The following ATAD2B variants were observed in gnomAD, a reference collection of about 807,000 sequenced individuals.
ATAD2B encodes ATPase family AAA domain containing 2B, also known as ATPase family AAA domain-containing protein 2B.
Under a neutral mutation model 167.6 loss-of-function variants are expected in ATAD2B, and 40 were observed. The ratio of observed to expected loss-of-function variants is 0.24; its 90% CI spans 0.19 to 0.31. The LOEUF is 0.31. Among genes scored for constraint, ATAD2B ranks in the 10% least tolerant of loss-of-function variants. The probability of loss-of-function intolerance (pLI) is 1.00; values close to 1 mark genes in which losing one functional copy is unlikely to be tolerated. For missense variants in ATAD2B, 1,242 were observed against 1,757.2 expected, an observed-to-expected ratio of 0.71 and a Z score of 5.24; for synonymous variants, 579 against 596.5, an observed-to-expected ratio of 0.97 and a Z score of 0.43.
chr2:23,790,923 A>G (rs1244379636), intron 19 of ATAD2B, among the ~76,000 whole-genome samples: 2 of 152,118 alleles, frequency 1.3e-5, no homozygotes. Flanking sequence ...CATTTCCATT[A>G]CCCCAAAAAG....
At chr2:23,788,132 C>T in intron 20 of ATAD2B, 1 of 179,532 alleles carries the variant, frequency 5.6e-6, no homozygotes, top group Non-Finnish European at 1.2e-5. Flanking sequence ...TCAAATCTAT[C>T]ATGGCCCAAA....
the ATAD2B span, among the ~76,000 whole-genome samples, chr2:23,681,977 G>T: frequency 9.9e-5 from 15 of 152,066 alleles, no homozygotes; most frequent in Non-Finnish European, 1.8e-4. This position sits in a 1 kb window ranked among gnomAD's most constrained non-coding sequence, Gnocchi z 4.2. Context: ...TCTAGCCCAG[G>T]CCTCTATCCA....
At chr2:23,695,944 C>A in the ATAD2B span, 4 of 1,550,762 alleles carry the variant, frequency 2.6e-6, no homozygotes, top group Non-Finnish European at 3.5e-6. This position sits in a 1 kb window ranked among gnomAD's most constrained non-coding sequence, Gnocchi z 7.6. Context: ...CATCCATGTC[C>A]CTGCAGGTGT....
At chr2:23,734,624 G>A in the ATAD2B span, among the ~76,000 whole-genome samples, 1 of 152,186 alleles carries the variant, frequency 6.6e-6, no homozygotes, top group African/African-American at 2.4e-5. Context: ...AGAGAGATAA[G>A]TGGGAGGTGC....
At chr2:23,828,128 G>A (rs1688519377) in intron 15 of ATAD2B, among the ~76,000 whole-genome samples, 1 of 151,744 alleles carries the variant, frequency 6.6e-6, no homozygotes, top group Non-Finnish European at 1.5e-5. Context: ...GACAAAAGAG[G>A]GGGAAAGAAT....
At chr2:23,905,991 G>T (rs1573375745) in intron 1 of ATAD2B, among the ~76,000 whole-genome samples, 1 of 152,218 alleles carries the variant, frequency 6.6e-6, no homozygotes, top group East Asian at 1.9e-4. Flanking sequence ...GAAAACCTAT[G>T]AAAATTTAAA....
chr2:23,778,491 T>C (rs747836517), intron 22 of ATAD2B, among the ~76,000 whole-genome samples: 9 of 152,160 alleles, frequency 5.9e-5, no homozygotes, highest in Non-Finnish European at 1.0e-4. Context: ...GCACAAAGTA[T>C]AAAGGGTCAT....
intron 1 of ATAD2B, among the ~76,000 whole-genome samples, chr2:23,921,974 C>T (rs182142741): frequency 1.6e-4 from 25 of 152,006 alleles, no homozygotes; most frequent in Admixed American, 6.6e-4. Context: ...TGTTGGCAAA[C>T]GCATGAGTGT....
the ATAD2B span, chr2:23,706,793 TG>T: frequency 1.4e-5 from 9 of 624,826 alleles, no homozygotes; most frequent in East Asian, 2.4e-4. Flanking sequence ...GCGCTCAACA[TG>T]TTGAATATTC....
chr2:23,885,665 C>T (rs759319133), intron 5 of ATAD2B, 62 bp downstream of exon 5: 82 of 976,530 alleles, frequency 8.4e-5, no homozygotes, highest in Non-Finnish European at 1.2e-4. Flanking sequence ...TGCATTCTCC[C>T]TTTAAATTCC....
intron 13 of ATAD2B, among the ~76,000 whole-genome samples, chr2:23,855,420 T>G (rs1004083901): frequency 1.3e-5 from 2 of 152,210 alleles, no homozygotes; most frequent in Non-Finnish European, 2.9e-5. Flanking sequence ...CTAGGATGGC[T>G]AAAGTTAAAG....
chr2:23,828,469 G>C (rs1240940504), intron 15 of ATAD2B, among the ~76,000 whole-genome samples: 2 of 152,200 alleles, frequency 1.3e-5, no homozygotes, highest in East Asian at 1.9e-4. Context: ...AATCTGCAAA[G>C]TAAAAGTAAA....
intron 8 of ATAD2B, among the ~76,000 whole-genome samples, chr2:23,871,865 A>C (rs1696026781): frequency 6.6e-6 from 1 of 151,954 alleles, no homozygotes; most frequent in African/African-American, 2.4e-5. Context: ...GGAAGAAGGA[A>C]TTGTTTTTGG....
At chr2:23,748,497 G>A (rs567871013), downstream of ATAD2B, among the ~76,000 whole-genome samples, 1 of 152,148 alleles carries the variant, frequency 6.6e-6, no homozygotes, top group South Asian at 2.1e-4. Flanking sequence ...AAAGCTTTCA[G>A]CTAAAAAATC....
At chr2:23,870,192 G>A (rs1362391375) in intron 8 of ATAD2B, among the ~76,000 whole-genome samples, 6 of 140,510 alleles carry the variant, frequency 4.3e-5, no homozygotes, top group African/African-American at 1.3e-4. Context: ...GGGTGACAGA[G>A]CAAGACTCCT....
chr2:23,743,327 GA>G, the ATAD2B span, among the ~76,000 whole-genome samples: 1 of 152,126 alleles, frequency 6.6e-6, no homozygotes, highest in Non-Finnish European at 1.5e-5. Flanking sequence ...AGCACTTTGG[GA>G]GGCCGAGGCA....
the ATAD2B span, among the ~76,000 whole-genome samples, chr2:23,711,250 TATA>T: frequency 1.3e-5 from 2 of 151,444 alleles, no homozygotes; most frequent in Non-Finnish European, 2.9e-5. Context: ...CCAGAATTTC[TATA>T]ATGACATTAT....
At chr2:23,703,915 GA>G in the ATAD2B span, 1 of 1,499,486 alleles carries the variant, frequency 6.7e-7, no homozygotes, top group Non-Finnish European at 8.9e-7. Context: ...GTGGGAGGAG[GA>G]GGGGTGTGAC....
chr2:23,927,070 G>A lies in ATAD2B; in HGVS notation c.-300C>T. The A allele has an allele frequency of 2.7e-6, 1 of 364,424 alleles. No homozygotes were observed. 22.6% of individuals were successfully genotyped at this position (364,424 alleles called of 1,614,324 possible). On this transcript the variant is annotated 5_prime_UTR_variant, in exon 1 of 28. In the 5' UTR this introduces an upstream ATG that the reference lacks. Transcript: ENST00000238789. ...CGCCATTTCTACCCCTTTCTCTCCC[G>A]TTCTCGCTCTCGAGCTCCGTGCGTC...
Sources: allele counts gnomAD v4.1 joint callset (sites outside exome capture counted in the v4.1 genomes callset), GRCh38; gene constraint gnomAD v4.1.1; non-coding constraint Gnocchi (gnomAD v3.1); transcripts MANE v1.5; gene names NCBI Gene and HGNC (gene_info 2026-07-23, HGNC 2026-07-21).